GRIN2A: variants seen among roughly 807,000 people sequenced by gnomAD.
GRIN2A encodes glutamate receptor ionotropic, NMDA 2A.
Under a neutral mutation model 113.4 loss-of-function variants are expected in GRIN2A, and 22 were observed. The ratio of observed to expected loss-of-function variants is 0.19; its 90% CI spans 0.14 to 0.28. The LOEUF is 0.28. GRIN2A is among the 10% of genes least tolerant of loss of function. The pLI is 1.00. For synonymous variants in GRIN2A, 827 were observed against 738.4 expected (o/e 1.12, Z -1.94); for missense variants, 1,502 against 1,887.0 (o/e 0.80, Z 3.78).
chr16:9,903,835 C>T (rs2043980515), intron 3 of GRIN2A, among the ~76,000 whole-genome samples: 1 of 152,150 alleles, frequency 6.6e-6, no homozygotes, highest in Admixed American at 6.6e-5. Context: ...CTACCATTTG[C>T]CAAAACAACT....
intron 5 of GRIN2A, among the ~76,000 whole-genome samples, chr16:9,846,377 G>T (rs2042772666): frequency 6.6e-6 from 1 of 152,138 alleles, no homozygotes; most frequent in African/African-American, 2.4e-5. Flanking sequence ...TGACATTTGT[G>T]ACCTCACTGA....
At chr16:10,047,968 C>T (rs1481609320) in intron 2 of GRIN2A, among the ~76,000 whole-genome samples, 1 of 152,186 alleles carries the variant, frequency 6.6e-6, no homozygotes, top group African/African-American at 2.4e-5. Context: ...GTCTCCCCTG[C>T]CTGTGACCCC....
At chr16:9,797,881 G>C (rs1903098323) in intron 11 of GRIN2A, among the ~76,000 whole-genome samples, 1 of 152,062 alleles carries the variant, frequency 6.6e-6, no homozygotes, top group South Asian at 2.1e-4. Flanking sequence ...CGTGATCACT[G>C]AATGTGTCTC....
At chr16:10,023,866 A>G (rs2046770211) in intron 2 of GRIN2A, among the ~76,000 whole-genome samples, 1 of 152,256 alleles carries the variant, frequency 6.6e-6, no homozygotes, top group Non-Finnish European at 1.5e-5. Flanking sequence ...CAGAGAAAAC[A>G]TCCCAAAACA....
intron 3 of GRIN2A, among the ~76,000 whole-genome samples, chr16:9,911,599 T>G (rs1218828191): frequency 6.6e-6 from 1 of 152,154 alleles, no homozygotes; most frequent in Non-Finnish European, 1.5e-5. Flanking sequence ...CTGTATCCAG[T>G]GGCTCTCATT....
At chr16:9,994,606 T>C (rs879759227) in intron 2 of GRIN2A, among the ~76,000 whole-genome samples, 2 of 152,090 alleles carry the variant, frequency 1.3e-5, no homozygotes, top group Non-Finnish European at 2.9e-5. Context: ...TTGATTTGTA[T>C]CAAAACAGAC....
intron 2 of GRIN2A, among the ~76,000 whole-genome samples, chr16:9,990,700 G>A (rs951464958): frequency 6.6e-6 from 1 of 151,558 alleles, no homozygotes; most frequent in African/African-American, 2.4e-5. Context: ...TTCTCAAAAG[G>A]TCAAGAGCAG....
At chr16:10,111,796 T>C in intron 2 of GRIN2A, 1 of 1,403,078 alleles carries the variant, frequency 7.1e-7, no homozygotes, top group Non-Finnish European at 1.0e-6. Context: ...CCGGCATGGC[T>C]TCTCTTGCAT....
chr16:9,929,118 T>C (rs2044531948), intron 3 of GRIN2A, among the ~76,000 whole-genome samples: 1 of 152,184 alleles, frequency 6.6e-6, no homozygotes, highest in Non-Finnish European at 1.5e-5. Context: ...ATGTTAAAGT[T>C]CCTCATGGTT....
intron 10 of GRIN2A, among the ~76,000 whole-genome samples, chr16:9,802,206 A>G (rs965467135): frequency 6.6e-6 from 1 of 152,220 alleles, no homozygotes; most frequent in Non-Finnish European, 1.5e-5. Flanking sequence ...AGGAATGTAA[A>G]TCATTCTATT....
intron 2 of GRIN2A, among the ~76,000 whole-genome samples, chr16:10,173,721 G>A (rs1042591199): frequency 2.6e-5 from 4 of 152,176 alleles, no homozygotes; most frequent in Non-Finnish European, 5.9e-5. Flanking sequence ...GAAAAAGAGA[G>A]AAATTGTTAA....
chr16:9,961,224 T>G (rs1451330203), intron 2 of GRIN2A, among the ~76,000 whole-genome samples: 1 of 152,132 alleles, frequency 6.6e-6, no homozygotes, highest in East Asian at 1.9e-4. Flanking sequence ...GAGGAAGACA[T>G]TCCAAGTCTG....
At chr16:10,017,868 T>C (rs2046640312) in intron 2 of GRIN2A, among the ~76,000 whole-genome samples, 1 of 152,228 alleles carries the variant, frequency 6.6e-6, no homozygotes, top group African/African-American at 2.4e-5. Context: ...AAGATCCGAC[T>C]GTACTTGCCC....
intron 2 of GRIN2A, among the ~76,000 whole-genome samples, chr16:10,147,471 A>AAAAAAAAAAAAG: frequency 6.7e-6 from 1 of 149,560 alleles, no homozygotes; most frequent in East Asian, 2.0e-4. Context: ...AAAAAAAAAA[A>AAAAAAAAAAAAG]AAAAAAAATA....
chr16:9,805,337 AT>A (rs1288276527), intron 10 of GRIN2A: 1 of 152,238 alleles, frequency 6.6e-6, no homozygotes, highest in Non-Finnish European at 1.5e-5. Flanking sequence ...TTAATTATTC[AT>A]TCATTAACAT....
At chr16:9,783,599 C>T (rs907241814) in intron 11 of GRIN2A, among the ~76,000 whole-genome samples, 3 of 152,128 alleles carry the variant, frequency 2.0e-5, no homozygotes, top group Non-Finnish European at 4.4e-5. Context: ...AGTGCCAAAC[C>T]ATTTATGCCT....
At chr16:9,839,208 C>T (rs1416286840) in intron 7 of GRIN2A, among the ~76,000 whole-genome samples, 2 of 152,164 alleles carry the variant, frequency 1.3e-5, no homozygotes, top group South Asian at 2.1e-4. Flanking sequence ...AAGATAGTTA[C>T]AGTCAAAACT....
chr16:10,135,567 C>T (rs1040677732), intron 2 of GRIN2A, among the ~76,000 whole-genome samples: 4 of 152,096 alleles, frequency 2.6e-5, no homozygotes, highest in Non-Finnish European at 5.9e-5. Flanking sequence ...TTCTTGGCAC[C>T]AAAATCTGTA....
At position 10,088,479 on chromosome 16, in the gene GRIN2A, T is replaced by G. The variant is rs367966578; in HGVS notation, c.414+91519A>C. Among the ~76,000 whole-genome samples the G allele has an allele frequency of 3.5e-4, 53 of 152,202 alleles. 1 individual carries two copies. The East Asian group carries it at 8.1e-3, about 23-fold the overall frequency. On this transcript the variant is annotated intron_variant, in intron 2 of 12. Coordinates refer to ENST00000330684, the MANE Select transcript of GRIN2A (RefSeq NM_001134407.3). Reference sequence around the variant, plus strand: ...TGAGTGAGGATGGCAGACACAACAATCTATACCCACCCTAGACCTGCGGCA... The same window carrying G: ...TGAGTGAGGATGGCAGACACAACAAGCTATACCCACCCTAGACCTGCGGCA...
Sources: gnomAD v4.1 joint callset for allele counts (sites outside exome capture counted in the v4.1 genomes callset) on GRCh38, gnomAD v4.1.1 for gene constraint, MANE v1.5 for transcripts, NCBI Gene and HGNC (gene_info 2026-07-23, HGNC 2026-07-21) for gene names.